The following DDX60 variants were observed in gnomAD, a reference collection of about 807,000 sequenced individuals.
The protein encoded by DDX60 is probable ATP-dependent RNA helicase DDX60.
In DDX60, 165 loss-of-function variants were observed where a neutral mutation model predicts 212.8. The observed-to-expected ratio is 0.78, with a 90% CI of 0.68 to 0.88. The LOEUF (loss-of-function observed/expected upper bound fraction) is 0.88, where lower values mean the gene tolerates loss of function less well. Among genes scored for constraint, DDX60 ranks in the 40% least tolerant of loss-of-function variants. The pLI is 0.00. For missense variants in DDX60, 1,905 were observed against 2,003.9 expected (o/e 0.95, Z 0.94); for synonymous variants, 703 against 685.3 (o/e 1.03, Z -0.40).
chr4:168,252,572 T>C lies in DDX60; in HGVS notation c.3642A>G (p.Leu1214=), dbSNP rs1734258941. The change falls in exon 27 of 38, where the codon CTA becomes CTG. Residue 1214 remains leucine (L), a synonymous_variant. Transcript: ENST00000393743. ...EAEHDNLVKC[L]EKNLEIPQDC... ...CCTGTGGGATTTCCAGGTTCTTCTCTAGACACTTCACTAGATTATCATGTT... is the reference window on the plus strand; with the variant it reads ...CCTGTGGGATTTCCAGGTTCTTCTCCAGACACTTCACTAGATTATCATGTT... 1.2e-6 allele frequency: 2 copies of C among 1,613,940 alleles called. No homozygotes were observed. Among genetic ancestry groups the C allele is most frequent in the African/African-American group, 1.3e-5 (1 of 74,932 alleles).
chr4:168,241,925 T>C (rs1191376965), intron 30 of DDX60, among the ~76,000 whole-genome samples: 2 of 152,034 alleles, frequency 1.3e-5, no homozygotes, highest in African/African-American at 2.4e-5. Flanking sequence ...AAAAAACTGG[T>C]TTCCTGGGCC....
chr4:168,246,505 T>C lies in DDX60; in HGVS notation c.4077A>G (p.Arg1359=). 1.2e-6 allele frequency: 2 copies of C among 1,614,060 alleles called. No homozygotes were observed. The highest frequency in any genetic ancestry group is 1.1e-5 in the South Asian group (1 of 91,078). The part of the protein sequence containing the change: ...KLIKSNVPEL[R]GHFPLSITLV... The stretch of plus-strand genomic sequence containing the variant: ...GGGTTATGCTGAGAGGGAAGTGTCC[T>C]CTCAGCTCAGGAACATTGGATTTTA... The change falls in exon 30 of 38, where the codon AGA becomes AGG. Residue 1359 remains arginine (R), a synonymous_variant. Transcript: ENST00000393743.
intron 8 of DDX60, among the ~76,000 whole-genome samples, chr4:168,288,839 C>T (rs1383229715): frequency 6.6e-6 from 1 of 152,204 alleles, no homozygotes; most frequent in Non-Finnish European, 1.5e-5. Context: ...ATGATCCCTT[C>T]TACGATTTGC....
intron 33 of DDX60, among the ~76,000 whole-genome samples, chr4:168,233,904 T>C (rs1733541805): frequency 6.6e-6 from 1 of 152,102 alleles, no homozygotes; most frequent in African/African-American, 2.4e-5. Context: ...TCCGGAAAAG[T>C]ATCTTTGATA....
At chr4:168,301,252 C>T (rs1431920123) in intron 6 of DDX60, among the ~76,000 whole-genome samples, 1 of 151,934 alleles carries the variant, frequency 6.6e-6, no homozygotes, top group Non-Finnish European at 1.5e-5. Context: ...GATTTGGATC[C>T]TAGTTCAATT....
intron 1 of DDX60, among the ~76,000 whole-genome samples, chr4:168,313,591 A>T (rs1017284941): frequency 3.3e-5 from 5 of 152,196 alleles, no homozygotes; most frequent in African/African-American, 1.2e-4. Context: ...GGTCAGTGAG[A>T]ACTGAACAGG....
chr4:168,302,056 A>T (rs1331721290), intron 6 of DDX60, among the ~76,000 whole-genome samples: 1 of 150,008 alleles, frequency 6.7e-6, no homozygotes, highest in African/African-American at 2.5e-5. Context: ...CCTGGACTGG[A>T]TCCTGAAATA....
intron 33 of DDX60, among the ~76,000 whole-genome samples, chr4:168,226,578 A>T (rs1458016892): frequency 6.6e-6 from 1 of 152,094 alleles, no homozygotes; most frequent in Non-Finnish European, 1.5e-5. Flanking sequence ...ATTATATGAG[A>T]TATTTCGATG....
rs1374643124 is a variant in DDX60, at chr4:168,244,682, G to A, written c.4164+1736C>T. On this transcript the variant is annotated intron_variant, in intron 30 of 37. Coordinates refer to ENST00000393743, the MANE Select transcript of DDX60 (RefSeq NM_017631.6). ...GGAGGTTGCAGTGAGCTGAGATCAT[G>A]CCACCGCACTCCAGCCTGGGCTATA... 2.0e-5 allele frequency among the ~76,000 whole-genome samples: 3 copies of A among 151,926 alleles called. No homozygotes were observed. The East Asian group carries it at 5.8e-4, about 29-fold the overall frequency.
chr4:168,278,224 C>T (rs2149523866), intron 14 of DDX60, among the ~76,000 whole-genome samples: 1 of 152,270 alleles, frequency 6.6e-6, no homozygotes, highest in East Asian at 1.9e-4. Context: ...GATCTACAGT[C>T]AGAAACAATC....
intron 4 of DDX60, among the ~76,000 whole-genome samples, chr4:168,307,405 G>A (rs1243635959): frequency 1.3e-5 from 2 of 152,042 alleles, no homozygotes; most frequent in African/African-American, 2.4e-5. Context: ...ACCAAAAATA[G>A]TATTATTTTG....
chr4:168,306,306 G>GA, intron 5 of DDX60, 73 bp downstream of exon 5: 2 of 1,149,808 alleles, frequency 1.7e-6, no homozygotes. Context: ...AGGAGGAGGA[G>GA]AAAAAACTGA....
intron 1 of DDX60, 27 bp downstream of exon 1, chr4:168,318,595 T>G (rs1737511440): frequency 6.6e-6 from 1 of 152,350 alleles, no homozygotes; most frequent in African/African-American, 2.4e-5. Flanking sequence ...CCCAGGCTCT[T>G]CCCAAGGGAC....
chr4:168,255,801 G>A lies in DDX60; in HGVS notation c.3467C>T (p.Thr1156Ile), dbSNP rs1734385148. 6.2e-7 allele frequency: 1 copy of A among 1,607,842 alleles called. No homozygotes were observed. Among genetic ancestry groups the A allele is most frequent in the Admixed American group, 1.7e-5 (1 of 58,756 alleles). ...VSTFLKKKQE[T>I]KRPPKADKEA... is the part of the protein sequence containing the mutation. ...TTTATCAGCTTTGGGAGGCCTTTTT[G>A]TCTCCTGCTTTTTCTTTAGGAAAGT... Residue 1156 changes from threonine to isoleucine, a missense_variant, in exon 26 of 38, where the codon ACA becomes ATA. Transcript: ENST00000393743.
intron 3 of DDX60, 87 bp from the exon 4 acceptor site, chr4:168,308,282 TATC>T: frequency 1.3e-6 from 1 of 752,012 alleles, no homozygotes; most frequent in Non-Finnish European, 2.1e-6. Context: ...TCATTATCAT[TATC>T]ATCAATAGCT....
intron 37 of DDX60, among the ~76,000 whole-genome samples, chr4:168,218,627 T>C (rs1196971253): frequency 1.3e-5 from 2 of 152,114 alleles, no homozygotes; most frequent in Admixed American, 6.6e-5. Context: ...TTCTTAATGT[T>C]AACATAAAGA....
rs755206663 is a variant in DDX60 at position 168,252,578 on chromosome 4, C to T, written c.3636G>A (p.Lys1212=). The change falls in exon 27 of 38, where the codon AAG becomes AAA. Residue 1212 remains lysine, a synonymous_variant. Coordinates refer to ENST00000393743, the MANE Select transcript of DDX60 (RefSeq NM_017631.6). The part of the protein sequence containing the change: ...IHEAEHDNLV[K]CLEKNLEIPQ... ...GGATTTCCAGGTTCTTCTCTAGACA[C>T]TTCACTAGATTATCATGTTCAGCTT... 8.1e-6 allele frequency: 13 copies of T among 1,613,800 alleles called. No homozygotes were observed. The African/African-American group carries it at 1.5e-4, about 18-fold the overall frequency.
At chr4:168,218,845 C>A (rs1165541204) in intron 37 of DDX60, among the ~76,000 whole-genome samples, 1 of 152,166 alleles carries the variant, frequency 6.6e-6, no homozygotes, top group Non-Finnish European at 1.5e-5. Context: ...AAAATTACCT[C>A]ATTTGAGACT....
At chr4:168,255,920 CA>C in intron 25 of DDX60, 51 bp from the exon 26 acceptor site, 2 of 1,525,502 alleles carry the variant, frequency 1.3e-6, no homozygotes, top group Non-Finnish European at 8.8e-7. Context: ...AAATACAATT[CA>C]AAACCATATT....
Sources: allele counts gnomAD v4.1 joint callset (sites outside exome capture counted in the v4.1 genomes callset), GRCh38; gene constraint gnomAD v4.1.1; transcripts MANE v1.5; gene names NCBI Gene and HGNC (gene_info 2026-07-23, HGNC 2026-07-21).